Variants in UBR4 observed in about 807,000 individuals in gnomAD.
UBR4 encodes E3 ubiquitin-protein ligase UBR4.
UBR4 carries 124 observed loss-of-function variants against 575.6 expected under a neutral mutation model. The ratio of observed to expected loss-of-function variants is 0.22; its 90% CI spans 0.19 to 0.25. UBR4 has a LOEUF of 0.25. UBR4 is among the 10% of genes least tolerant of loss of function. UBR4 has a pLI of 1.00. For synonymous variants in UBR4, 2,455 were observed against 2,473.7 expected (o/e 0.99, Z 0.22); for missense variants, 4,818 against 6,478.8 (o/e 0.74, Z 8.80).
intron 11 of UBR4, among the ~76,000 whole-genome samples, 154 bp from the exon 12 acceptor site, chr1:19,187,694 A>G (rs185287695): frequency 7.9e-5 from 12 of 152,268 alleles, no homozygotes; most frequent in African/African-American, 2.2e-4. Flanking sequence ...ACATCTGCAT[A>G]TAATTTCTGA....
intron 64 of UBR4, 142 bp from the exon 65 acceptor site, chr1:19,124,832 C>G: frequency 9.1e-7 from 1 of 1,104,286 alleles, no homozygotes; most frequent in Non-Finnish European, 1.3e-6. Flanking sequence ...GACTGACTGA[C>G]AGTTTATTCT....
chr1:19,125,651 G>A (rs1264644742), intron 64 of UBR4: 1 of 152,244 alleles, frequency 6.6e-6, no homozygotes, highest in Admixed American at 6.5e-5. Flanking sequence ...TGTTATAGGT[G>A]ACAAAGCTAG....
At chr1:19,204,398 C>T (rs1207588153) in intron 1 of UBR4, among the ~76,000 whole-genome samples, 9 of 152,068 alleles carry the variant, frequency 5.9e-5, no homozygotes, top group African/African-American at 2.2e-4. Context: ...TGATTTATTT[C>T]CAAAGTTCAG....
rs765875531 is a variant in UBR4, at chr1:19,168,050, G to A, written c.3876C>T (p.Val1292=). The stretch of plus-strand genomic sequence containing the variant: ...ACACAATAAGATCTCCAGTCAACCT[G>A]ACCAGTGAGAGGAGGGTATGCTTCA... ...ASLKHTLLSL[V]RLTGDLIVWS... The change falls in exon 28 of 106, where the codon GTC becomes GTT. Residue 1292 remains valine (V), a synonymous_variant. Coordinates refer to ENST00000375254, the MANE Select transcript of UBR4 (RefSeq NM_020765.3). The A allele has an allele frequency of 1.2e-6, 2 of 1,613,198 alleles. No individual in the cohort carries two copies. Among genetic ancestry groups the A allele is most frequent in the Non-Finnish European group, 1.7e-6 (2 of 1,179,392 alleles).
At chr1:19,148,205 T>C (rs2085137048) in intron 50 of UBR4, 78 bp from the exon 51 acceptor site, 1 of 1,500,076 alleles carries the variant, frequency 6.7e-7, no homozygotes. Flanking sequence ...CTGCCTGCCC[T>C]TCCTTCCTTC....
At chr1:19,086,388 C>T (rs2077020524) in intron 100 of UBR4, 118 bp from the exon 101 acceptor site, 1 of 1,352,526 alleles carries the variant, frequency 7.4e-7, no homozygotes, top group East Asian at 2.5e-5. Context: ...GTCAGTCGGC[C>T]CAGGCTCCTG....
chr1:19,183,118 C>T (rs1220495585), intron 17 of UBR4, among the ~76,000 whole-genome samples: 1 of 152,198 alleles, frequency 6.6e-6, no homozygotes, highest in East Asian at 1.9e-4. Flanking sequence ...TCTTTTAAAA[C>T]ACACATTTTA....
At chr1:19,136,641 A>C (rs921099171) in intron 60 of UBR4, among the ~76,000 whole-genome samples, 4 of 152,212 alleles carry the variant, frequency 2.6e-5, no homozygotes, top group African/African-American at 9.7e-5. Context: ...ATCCATTCCA[A>C]ATCTGTTAGC....
At position 19,093,143 on chromosome 1, in the gene UBR4, G is replaced by A. The variant is rs540845032; in HGVS notation, c.14111+170C>T. 1.3e-3 allele frequency among the ~76,000 whole-genome samples: 202 copies of A among 152,362 alleles called. No homozygotes were observed. In the Middle Eastern group the frequency reaches 0.014, roughly 10 times the overall value. ...TTGCCATCCTTTTCCGGCAAGCCCC[G>A]AGGACTCTGCAGTGGTTGAATGGTC... is the stretch of plus-strand genomic sequence containing the variant. On this transcript the variant is annotated intron_variant, in intron 96 of 105. Transcript: ENST00000375254. This position sits in a 1 kb window ranked among gnomAD's most constrained non-coding sequence, Gnocchi z 4.8.
At chr1:19,081,269 G>C in intron 103 of UBR4, 80 bp downstream of exon 103, 1 of 1,251,030 alleles carries the variant, frequency 8.0e-7, no homozygotes, top group East Asian at 2.3e-5. Context: ...CCTTCACCTA[G>C]CACGTGCGTA....
At chr1:19,136,187 C>G (rs2083180957) in intron 60 of UBR4, among the ~76,000 whole-genome samples, 1 of 152,086 alleles carries the variant, frequency 6.6e-6, no homozygotes, top group Non-Finnish European at 1.5e-5. Flanking sequence ...AAAGGAAAAT[C>G]TAAATGATAT....
chr1:19,167,255 A>G, intron 28 of UBR4, 24 bp from the exon 29 acceptor site: 2 of 1,613,388 alleles, frequency 1.2e-6, no homozygotes, highest in South Asian at 2.2e-5. Flanking sequence ...AATGAAATCG[A>G]GTTAGTGAAT....
chr1:19,101,718 C>A (rs2078653768), intron 87 of UBR4, 77 bp from the exon 88 acceptor site: 1 of 1,545,024 alleles, frequency 6.5e-7, no homozygotes, highest in Non-Finnish European at 8.8e-7. Flanking sequence ...AACTGAAGTA[C>A]CATCACTGAC....
chr1:19,173,570 T>C lies in UBR4; in HGVS notation c.3034A>G (p.Ile1012Val), dbSNP rs772603144. ...ATGTAAGTCTTTGATGGTGGTAAAA[T>C]TCCTAGGATCCTCCACAGTATCAAG... ...YFLILWRILG[I>V]LPPSKTYINQ... Residue 1012 changes from isoleucine to valine, a missense_variant, in exon 23 of 106, where the codon ATT becomes GTT. Ile to Val is a conservative substitution (Grantham distance 29). Around this residue, in one of 29 missense-constraint regions of UBR4, gnomAD observed 1,172 missense variants for 1,259.7 expected, o/e 0.93. Transcript: ENST00000375254. 1.2e-6 allele frequency: 2 copies of C among 1,614,090 alleles called. No homozygotes were observed. Among genetic ancestry groups the C allele is most frequent in the East Asian group, 4.5e-5 (2 of 44,874 alleles).
intron 39 of UBR4, among the ~76,000 whole-genome samples, chr1:19,159,564 T>C (rs2086962215): frequency 6.6e-6 from 1 of 151,902 alleles, no homozygotes; most frequent in African/African-American, 2.4e-5. Context: ...TTTATTCTCT[T>C]CATTGGCCAA....
chr1:19,154,494 C>A (rs779161266), intron 44 of UBR4, among the ~76,000 whole-genome samples: 9 of 152,098 alleles, frequency 5.9e-5, no homozygotes, highest in Non-Finnish European at 1.2e-4. Flanking sequence ...TCTCTTCCTC[C>A]CCCATATCCA....
At position 19,162,610 on chromosome 1, in the gene UBR4, T is replaced by C; in HGVS notation, c.4766A>G (p.His1589Arg). 6.2e-7 allele frequency: 1 copy of C among 1,611,574 alleles called. No individual in the cohort carries two copies. The highest frequency in any genetic ancestry group is 8.5e-7 in the Non-Finnish European group (1 of 1,178,804). ...GCATGTGCACTCCAAGATCATCACA[T>C]GCTGTAAGAGAAGCCCCACAGCAAC... is the stretch of plus-strand genomic sequence containing the variant. ...KLNANVMHGK[H>R]VMILECTCHI... The change falls in exon 35 of 106, where the codon CAT becomes CGT. Residue 1589 changes from histidine to arginine, a missense_variant and splice_region_variant. Around this residue, in one of 29 missense-constraint regions of UBR4, gnomAD observed 1,172 missense variants for 1,259.7 expected, o/e 0.93. Transcript: ENST00000375254.
intron 81 of UBR4, among the ~76,000 whole-genome samples, chr1:19,109,054 G>A (rs1557615395): frequency 6.6e-6 from 1 of 152,214 alleles, no homozygotes; most frequent in Non-Finnish European, 1.5e-5. Flanking sequence ...GCCCCGTGCT[G>A]CCTTTTCTGA....
At chr1:19,095,064 C>A (rs1270873952) in intron 93 of UBR4, 39 bp from the exon 94 acceptor site, 5 of 1,613,832 alleles carry the variant, frequency 3.1e-6, no homozygotes, top group Non-Finnish European at 4.2e-6. Flanking sequence ...CAGAATAAGA[C>A]CACAGCCACT....
Sources: gnomAD v4.1 joint callset for allele counts (sites outside exome capture counted in the v4.1 genomes callset) on GRCh38, gnomAD v4.1.1 for gene constraint, gnomAD v4.1.1 regional missense constraint, Gnocchi (gnomAD v3.1) non-coding constraint, MANE v1.5 for transcripts, NCBI Gene and HGNC (gene_info 2026-07-23, HGNC 2026-07-21) for gene names.